Variants in SRRM3 observed in about 807,000 individuals in gnomAD.
SRRM3 encodes serine/arginine repetitive matrix 3.
A neutral mutation model predicts 66.2 loss-of-function variants in SRRM3; 27 were observed. That is an observed-to-expected ratio of 0.41 (90% confidence interval 0.30 to 0.56). SRRM3 has a LOEUF of 0.56. Ranked by LOEUF, SRRM3 falls within the 20% of genes least tolerant of loss-of-function variation. SRRM3 has a pLI of 0.32. For synonymous variants in SRRM3, 391 were observed against 414.9 expected, an observed-to-expected ratio of 0.94 and a Z score of 0.70; for missense variants, 918 against 991.9, an observed-to-expected ratio of 0.93 and a Z score of 1.00.
intron 8 of SRRM3, among the ~76,000 whole-genome samples, chr7:76,261,996 G>A (rs1801884899): frequency 6.6e-6 from 1 of 151,898 alleles, no homozygotes; most frequent in Non-Finnish European, 1.5e-5. Flanking sequence ...GTGGCTAGAG[G>A]TAGAGTTTCT....
At chr7:76,282,090 G>C (rs1554612004) in intron 12 of SRRM3, among the ~76,000 whole-genome samples, 1 of 142,674 alleles carries the variant, frequency 7.0e-6, no homozygotes, top group Admixed American at 7.1e-5. Context: ...ATCCTCCCAT[G>C]GATTTCCTCC....
chr7:76,212,111 C>G (rs1800447844), intron 1 of SRRM3, among the ~76,000 whole-genome samples: 1 of 151,160 alleles, frequency 6.6e-6, no homozygotes, highest in African/African-American at 2.4e-5. Flanking sequence ...ACCTTGACCT[C>G]CCAAAGTGCT....
chr7:76,262,529 A>AC (rs1801904377), intron 8 of SRRM3, among the ~76,000 whole-genome samples: 1 of 151,420 alleles, frequency 6.6e-6, no homozygotes, highest in African/African-American at 2.4e-5. Context: ...AAAAAAAAAA[A>AC]AAAAAACAAA....
intron 8 of SRRM3, 118 bp from the exon 9 acceptor site, chr7:76,264,647 G>A: frequency 2.8e-6 from 3 of 1,058,738 alleles, no homozygotes; most frequent in Non-Finnish European, 4.2e-6. Context: ...CAGCCATGGG[G>A]CTTAGGCCCT....
chr7:76,254,363 G>T (rs1457885192), intron 3 of SRRM3, among the ~76,000 whole-genome samples: 1 of 152,092 alleles, frequency 6.6e-6, no homozygotes, highest in Admixed American at 6.6e-5. Context: ...TTATTGCTCA[G>T]GCTGGAGTGC....
At chr7:76,267,473 C>G in intron 11 of SRRM3, 38 bp downstream of exon 11, 1 of 1,093,684 alleles carries the variant, frequency 9.1e-7, no homozygotes. Context: ...TCCCGCGCCG[C>G]GGGCTGCGCC....
intron 1 of SRRM3, among the ~76,000 whole-genome samples, chr7:76,233,986 G>A (rs982277058): frequency 1.3e-5 from 2 of 152,086 alleles, no homozygotes; most frequent in Non-Finnish European, 2.9e-5. Context: ...GTGTGTTGGG[G>A]GAGAAGTGTC....
At chr7:76,234,194 AGTGTGTGTGTGT>A (rs58369922) in intron 1 of SRRM3, among the ~76,000 whole-genome samples, 7 of 141,076 alleles carry the variant, frequency 5.0e-5, no homozygotes, top group South Asian at 2.3e-4. Flanking sequence ...AAGTCCTTGG[AGTGTGTGTGTGT>A]GTGTGTGTGT....
rs556270943 is a variant in SRRM3, at chr7:76,245,103, C to A, written c.234-3085C>A. On this transcript the variant is annotated intron_variant, in intron 2 of 14. Transcript: ENST00000611745. The stretch of plus-strand genomic sequence containing the variant: ...GCATTGAACCTGCGATGGGGGGAGG[C>A]ATCCATCTTACTGTAAACATCCAAG... Among the ~76,000 whole-genome samples, 112 of 152,350 alleles carry A rather than the reference C, an allele frequency of 7.4e-4. 1 individual carries two copies. The highest frequency in any genetic ancestry group is 2.6e-3 in the African/African-American group (108 of 41,576).
At chr7:76,204,178 G>T (rs1554600872) in intron 1 of SRRM3, among the ~76,000 whole-genome samples, 1 of 152,108 alleles carries the variant, frequency 6.6e-6, no homozygotes, top group African/African-American at 2.4e-5. Flanking sequence ...GCAGCTACTA[G>T]CGCTGCTGGG....
In SRRM3 at chr7:76,285,583, A is replaced by G. The variant is rs1554612632; in HGVS notation, c.1734-32A>G. The G allele has an allele frequency of 1.3e-6, 2 of 1,528,854 alleles. No homozygotes were observed. Among genetic ancestry groups the G allele is most frequent in the Non-Finnish European group, 1.8e-6 (2 of 1,130,904 alleles). The allele number at this position is 1,528,854 out of a possible 1,614,324, so 94.7% of individuals were successfully genotyped here. On this transcript the variant is annotated intron_variant, in intron 14 of 14. Transcript: ENST00000611745. This position sits in a 1 kb window ranked among gnomAD's most constrained non-coding sequence, Gnocchi z 4.1. The stretch of plus-strand genomic sequence containing the variant: ...GCTGGGATGGGGCTCGGGGCCTGGG[A>G]TGGCCTGTAATCAGCTTTTTCTTCC...
chr7:76,275,604 A>T (rs782806848), intron 11 of SRRM3, among the ~76,000 whole-genome samples: 1 of 151,686 alleles, frequency 6.6e-6, no homozygotes, highest in African/African-American at 2.4e-5. Flanking sequence ...GTCCTTGAGG[A>T]GTTTCTGATA....
At chr7:76,212,964 C>G (rs1248337189) in intron 1 of SRRM3, among the ~76,000 whole-genome samples, 3 of 151,718 alleles carry the variant, frequency 2.0e-5, no homozygotes, top group East Asian at 3.9e-4. Context: ...CCTCGAGGGC[C>G]CGGTGCTGCT....
At chr7:76,283,951 G>T in intron 14 of SRRM3, 2 of 488,046 alleles carry the variant, frequency 4.1e-6, no homozygotes, top group South Asian at 1.8e-4. Context: ...GCCTTGCTGG[G>T]CAGCCTTGGG....
At chr7:76,221,384 A>ATTTTTTTTTTTTTT (rs1800715394) in intron 1 of SRRM3, among the ~76,000 whole-genome samples, 1 of 74,006 alleles carries the variant, frequency 1.4e-5, no homozygotes, top group African/African-American at 1.2e-4. Context: ...TTTTTTTGAG[A>ATTTTTTTTTTTTTT]CGGAGTCTCG....
chr7:76,202,303 C>A (rs1423752911), intron 1 of SRRM3, among the ~76,000 whole-genome samples: 2 of 152,142 alleles, frequency 1.3e-5, no homozygotes, highest in African/African-American at 4.8e-5. Flanking sequence ...GGCAGGACTC[C>A]CCTGGGCATA....
At chr7:76,248,036 A>G (rs1859795) in intron 2 of SRRM3, among the ~76,000 whole-genome samples, 152 bp from the exon 3 acceptor site, 46,856 of 151,930 alleles carry the variant, frequency 0.31, 8,027 homozygotes, top group East Asian at 0.6. Context: ...AGTGCTGAAG[A>G]CCTGGCTTGA....
intron 3 of SRRM3, among the ~76,000 whole-genome samples, chr7:76,253,021 G>A (rs1056999020): frequency 3.2e-4 from 48 of 151,308 alleles, no homozygotes; most frequent in Admixed American, 1.2e-3. Context: ...ATAGTTAGCC[G>A]GGCATGGTGG....
rs1194647530 is a variant in SRRM3 at position 76,233,006 on chromosome 7, GAGA to G, written c.-39-2016_-39-2014del. On this transcript the variant is annotated intron_variant, in intron 1 of 14. Coordinates refer to ENST00000611745, the MANE Select transcript of SRRM3 (RefSeq NM_001110199.3). The stretch of plus-strand genomic sequence containing the variant: ...GAAGTGGATAAATGTGAGCGATGTT[GAGA>G]AGAAGGGATGGGGCTGGGCGCGGTG... Among the ~76,000 whole-genome samples the G allele has an allele frequency of 3.9e-5, 6 of 151,958 alleles. No individual in the cohort carries two copies. The East Asian group carries it at 5.8e-4, about 15-fold the overall frequency.
Sources: allele counts gnomAD v4.1 joint callset (sites outside exome capture counted in the v4.1 genomes callset), GRCh38; gene constraint gnomAD v4.1.1; non-coding constraint Gnocchi (gnomAD v3.1); transcripts MANE v1.5; gene names NCBI Gene and HGNC (gene_info 2026-07-23, HGNC 2026-07-21).